The following SPMIP6 variants were observed in gnomAD, a reference collection of about 807,000 sequenced individuals.
The protein encoded by SPMIP6 is ciliated bronchial epithelial protein 1.
the SPMIP6 span, among the ~76,000 whole-genome samples, chr9:34,384,299 C>T: frequency 1.3e-5 from 2 of 152,148 alleles, no homozygotes; most frequent in African/African-American, 2.4e-5. Flanking sequence ...ATCAAATGGC[C>T]TTGGAGGAGG....
At chr9:34,392,449 G>A in the SPMIP6 span, among the ~76,000 whole-genome samples, 2 of 111,360 alleles carry the variant, frequency 1.8e-5, no homozygotes, top group Admixed American at 1.8e-4. This position sits in a 1 kb window ranked among gnomAD's most constrained non-coding sequence, Gnocchi z 4.6. Flanking sequence ...AACCGTGTGT[G>A]TGTGTGTGTG....
chr9:34,389,925 A>G, the SPMIP6 span: 1 of 80,746 alleles, frequency 1.2e-5, no homozygotes, highest in Non-Finnish European at 2.6e-5. Context: ...TAATGTGTGT[A>G]GATTTTTTTT....
the SPMIP6 span, among the ~76,000 whole-genome samples, chr9:34,384,758 A>G: frequency 1.3e-5 from 2 of 152,228 alleles, no homozygotes; most frequent in Non-Finnish European, 2.9e-5. Context: ...CAGACAGATT[A>G]TATTATATCC....
At chr9:34,381,400 G>C in the SPMIP6 span, 1 of 1,614,092 alleles carries the variant, frequency 6.2e-7, no homozygotes, top group African/African-American at 1.3e-5. The surrounding 1 kb of genome is among the most constrained non-coding windows in gnomAD (Gnocchi z 4.4). Flanking sequence ...GCCTAGGAGG[G>C]CATTCCAAGG....
the SPMIP6 span, chr9:34,385,560 AG>A: frequency 1.0e-6 from 1 of 995,708 alleles, no homozygotes; most frequent in Non-Finnish European, 1.5e-6. Context: ...AAAAAAAAAA[AG>A]GATAGAGGTC....
At chr9:34,380,310 T>G in the SPMIP6 span, among the ~76,000 whole-genome samples, 51 of 152,276 alleles carry the variant, frequency 3.3e-4, 1 homozygote, top group African/African-American at 1.1e-3. Flanking sequence ...CTCAGTTTTC[T>G]TAGCAGTAAC....
chr9:34,380,079 G>A, the SPMIP6 span, among the ~76,000 whole-genome samples: 1 of 152,142 alleles, frequency 6.6e-6, no homozygotes, highest in Non-Finnish European at 1.5e-5. Context: ...CTTCCTAGAG[G>A]CTCAGACACT....
chr9:34,380,936 C>T, the SPMIP6 span: 13 of 1,598,118 alleles, frequency 8.1e-6, no homozygotes, highest in Non-Finnish European at 1.0e-5. Flanking sequence ...CCGCAGGCGG[C>T]GGTCGGTGCA....
At chr9:34,379,437 C>T in the SPMIP6 span, among the ~76,000 whole-genome samples, 1 of 152,216 alleles carries the variant, frequency 6.6e-6, no homozygotes, top group Non-Finnish European at 1.5e-5. This position sits in a 1 kb window ranked among gnomAD's most constrained non-coding sequence, Gnocchi z 4.2. Flanking sequence ...CAACCTGTAA[C>T]CCTTCAATAC....
chr9:34,384,083 C>T, the SPMIP6 span, among the ~76,000 whole-genome samples: 1 of 152,206 alleles, frequency 6.6e-6, no homozygotes, highest in South Asian at 2.1e-4. Flanking sequence ...GGAGGAAGCC[C>T]TAGCGAAGAG....
chr9:34,395,358 C>T, the SPMIP6 span, among the ~76,000 whole-genome samples: 128 of 152,264 alleles, frequency 8.4e-4, 2 homozygotes, highest in East Asian at 0.023. Context: ...TTACTACATC[C>T]GAGAGATTTC....
At chr9:34,394,100 C>T in the SPMIP6 span, among the ~76,000 whole-genome samples, 1 of 152,188 alleles carries the variant, frequency 6.6e-6, no homozygotes, top group South Asian at 2.1e-4. Flanking sequence ...GGGATTACTA[C>T]AGGCATGAGC....
At chr9:34,394,159 ATAT>A in the SPMIP6 span, among the ~76,000 whole-genome samples, 1 of 151,866 alleles carries the variant, frequency 6.6e-6, no homozygotes, top group African/African-American at 2.4e-5. Flanking sequence ...TAATTATTCT[ATAT>A]TATTATTTTT....
At chr9:34,395,063 T>C in the SPMIP6 span, among the ~76,000 whole-genome samples, 7 of 151,656 alleles carry the variant, frequency 4.6e-5, no homozygotes, top group Non-Finnish European at 1.0e-4. Flanking sequence ...CCTCCTGGGC[T>C]CAAGTGATTC....
the SPMIP6 span, among the ~76,000 whole-genome samples, chr9:34,388,901 TTC>T: frequency 1.3e-5 from 2 of 151,890 alleles, no homozygotes; most frequent in African/African-American, 4.8e-5. Flanking sequence ...TGTTTGTGGC[TTC>T]TGTCTTTACA....
At chr9:34,391,906 T>G in the SPMIP6 span, among the ~76,000 whole-genome samples, 20 of 151,732 alleles carry the variant, frequency 1.3e-4, no homozygotes, top group Non-Finnish European at 2.8e-4. Context: ...CTTTGCTTTT[T>G]TTGGGGGTTG....
chr9:34,386,030 A>G, the SPMIP6 span, among the ~76,000 whole-genome samples: 1 of 152,172 alleles, frequency 6.6e-6, no homozygotes, highest in Admixed American at 6.5e-5. Flanking sequence ...CTTACGTCAG[A>G]GTAGTTTTCT....
the SPMIP6 span, chr9:34,385,570 T>C: frequency 1.3e-6 from 1 of 783,338 alleles, no homozygotes; most frequent in Non-Finnish European, 2.0e-6. Flanking sequence ...AGGATAGAGG[T>C]CACGATCCAG....
chr9:34,380,263 C>G, the SPMIP6 span, among the ~76,000 whole-genome samples: 1 of 152,172 alleles, frequency 6.6e-6, no homozygotes, highest in East Asian at 1.9e-4. Context: ...AGGACGAATG[C>G]CGAGCTGCAG....
Sources: gnomAD v4.1 joint callset for allele counts (sites outside exome capture counted in the v4.1 genomes callset) on GRCh38, gnomAD v4.1.1 for gene constraint, Gnocchi (gnomAD v3.1) non-coding constraint, MANE v1.5 for transcripts, NCBI Gene and HGNC (gene_info 2026-07-23, HGNC 2026-07-21) for gene names.